The following ZNF804A variants were observed in gnomAD, a reference collection of about 807,000 sequenced individuals.
The protein encoded by ZNF804A is zinc finger protein 804A.
A neutral mutation model predicts 16.5 loss-of-function variants in ZNF804A; 2 were observed. That is an observed-to-expected ratio of 0.12 (90% CI 0.05 to 0.38). The LOEUF (loss-of-function observed/expected upper bound fraction) is 0.38, where lower values mean the gene tolerates loss of function less well. ZNF804A is among the 10% of genes least tolerant of loss of function. ZNF804A has a pLI of 0.99. For missense variants in ZNF804A, 1,473 were observed against 1,390.7 expected (o/e 1.06, Z -0.94); for synonymous variants, 534 against 489.6 (o/e 1.09, Z -1.20).
At chr2:184,811,638 A>G (rs1368502562) in intron 1 of ZNF804A, among the ~76,000 whole-genome samples, 1 of 152,154 alleles carries the variant, frequency 6.6e-6, no homozygotes, top group Admixed American at 6.6e-5. Context: ...CCTTAAGGCC[A>G]AGAGTTTGAG....
intron 1 of ZNF804A, among the ~76,000 whole-genome samples, chr2:184,747,994 C>T (rs956858342): frequency 1.3e-5 from 2 of 150,356 alleles, no homozygotes; most frequent in Admixed American, 6.7e-5. Flanking sequence ...TTTTTTATGG[C>T]TCCATATGTA....
At chr2:184,678,718 T>G (rs1418849407) in intron 1 of ZNF804A, among the ~76,000 whole-genome samples, 1 of 152,176 alleles carries the variant, frequency 6.6e-6, no homozygotes, top group Non-Finnish European at 1.5e-5. Context: ...ATAAATGTGT[T>G]GTCAAGAAAA....
intron 1 of ZNF804A, among the ~76,000 whole-genome samples, chr2:184,646,863 T>C (rs1199232013): frequency 1.3e-5 from 2 of 152,224 alleles, no homozygotes; most frequent in African/African-American, 4.8e-5. Context: ...AGAGGACCTG[T>C]CGGCAGATTT....
intron 1 of ZNF804A, among the ~76,000 whole-genome samples, chr2:184,646,726 C>A (rs1350542061): frequency 6.6e-6 from 1 of 152,214 alleles, no homozygotes; most frequent in African/African-American, 2.4e-5. Flanking sequence ...TTTAGACTAC[C>A]CCCCATCCCC....
At chr2:184,715,065 C>T (rs1022686806) in intron 1 of ZNF804A, among the ~76,000 whole-genome samples, 1 of 152,046 alleles carries the variant, frequency 6.6e-6, no homozygotes, top group Non-Finnish European at 1.5e-5. Context: ...ACCCTGTGTC[C>T]CACGAGAGTA....
chr2:184,931,056 A>C (rs561550220), intron 2 of ZNF804A, among the ~76,000 whole-genome samples: 2 of 152,310 alleles, frequency 1.3e-5, no homozygotes, highest in African/African-American at 4.8e-5. Context: ...TTCCCATTAT[A>C]AAACCACTGG....
At chr2:184,692,780 A>C (rs551434998) in intron 1 of ZNF804A, among the ~76,000 whole-genome samples, 1 of 152,344 alleles carries the variant, frequency 6.6e-6, no homozygotes, top group Non-Finnish European at 1.5e-5. Context: ...ATATCATCGT[A>C]ATAATAACTA....
intron 1 of ZNF804A, among the ~76,000 whole-genome samples, chr2:184,702,235 C>G (rs1428683166): frequency 1.3e-5 from 2 of 151,848 alleles, no homozygotes; most frequent in Admixed American, 6.6e-5. Flanking sequence ...TGATCATTTC[C>G]TTCAATAATC....
intron 1 of ZNF804A, among the ~76,000 whole-genome samples, chr2:184,794,657 CA>C (rs1203464150): frequency 2.6e-5 from 4 of 152,002 alleles, no homozygotes; most frequent in African/African-American, 9.7e-5. Context: ...CCTCACATTT[CA>C]ATACTAATGT....
chr2:184,901,604 T>G (rs760094369), intron 2 of ZNF804A, among the ~76,000 whole-genome samples: 2 of 152,166 alleles, frequency 1.3e-5, no homozygotes, highest in African/African-American at 2.4e-5. Flanking sequence ...CCATCATTCT[T>G]GGTAATAATC....
At chr2:184,667,280 A>C (rs1036000456) in intron 1 of ZNF804A, among the ~76,000 whole-genome samples, 6 of 151,912 alleles carry the variant, frequency 3.9e-5, no homozygotes, top group African/African-American at 1.4e-4. Flanking sequence ...TAAGATTCAG[A>C]TCTCTTGTAT....
intron 1 of ZNF804A, among the ~76,000 whole-genome samples, chr2:184,743,283 C>T (rs1017428006): frequency 3.3e-5 from 5 of 151,942 alleles, no homozygotes; most frequent in African/African-American, 1.2e-4. Context: ...ACTTAACATC[C>T]AATGAATCAG....
chr2:184,821,790 G>A (rs920344039), intron 1 of ZNF804A, among the ~76,000 whole-genome samples: 4 of 152,082 alleles, frequency 2.6e-5, no homozygotes, highest in Non-Finnish European at 5.9e-5. Flanking sequence ...AGACATTTAT[G>A]CGGCCAACAA....
At chr2:184,711,358 C>CT (rs1693123261) in intron 1 of ZNF804A, among the ~76,000 whole-genome samples, 1 of 151,464 alleles carries the variant, frequency 6.6e-6, no homozygotes, top group Non-Finnish European at 1.5e-5. Flanking sequence ...GGGATACTTG[C>CT]TTTTTTGTTA....
intron 1 of ZNF804A, among the ~76,000 whole-genome samples, chr2:184,794,502 A>AT (rs1173144826): frequency 1.2e-4 from 19 of 152,042 alleles, no homozygotes; most frequent in African/African-American, 4.3e-4. Flanking sequence ...GATTTTGGAG[A>AT]TTTCTCCCAG....
intron 1 of ZNF804A, among the ~76,000 whole-genome samples, chr2:184,750,374 A>G (rs1323049539): frequency 1.3e-5 from 2 of 151,418 alleles, no homozygotes; most frequent in South Asian, 2.1e-4. Flanking sequence ...AGCTCTGCCA[A>G]TCAATACATT....
At chr2:184,728,539 A>T (rs1229042714) in intron 1 of ZNF804A, among the ~76,000 whole-genome samples, 1 of 151,946 alleles carries the variant, frequency 6.6e-6, no homozygotes, top group African/African-American at 2.4e-5. Context: ...AGAAGATGAT[A>T]GGACTTTGCA....
chr2:184,915,148 A>G (rs1480312093), intron 2 of ZNF804A, among the ~76,000 whole-genome samples: 3 of 152,048 alleles, frequency 2.0e-5, no homozygotes, highest in African/African-American at 7.2e-5. Flanking sequence ...CAGAAAATAC[A>G]AGTAAAATTA....
intron 1 of ZNF804A, among the ~76,000 whole-genome samples, chr2:184,675,022 G>T (rs1692398757): frequency 6.6e-6 from 1 of 151,694 alleles, no homozygotes; most frequent in African/African-American, 2.4e-5. Context: ...CCTTAGTTAT[G>T]TATATACGTA....
Sources: allele counts gnomAD v4.1 joint callset (sites outside exome capture counted in the v4.1 genomes callset), GRCh38; gene constraint gnomAD v4.1.1; transcripts MANE v1.5; gene names NCBI Gene and HGNC (gene_info 2026-07-23, HGNC 2026-07-21).